NUMB: variants seen among roughly 807,000 people sequenced by gnomAD.
The protein encoded by NUMB is protein numb homolog.
A neutral mutation model predicts 59.7 loss-of-function variants in NUMB; 29 were observed. The observed-to-expected ratio is 0.49, with a 90% CI of 0.36 to 0.66. The LOEUF (loss-of-function observed/expected upper bound fraction) is 0.66, where lower values mean the gene tolerates loss of function less well. Ranked by LOEUF, NUMB falls within the 30% of genes least tolerant of loss-of-function variation. The probability of loss-of-function intolerance (pLI) is 0.00; values close to 1 mark genes in which losing one functional copy is unlikely to be tolerated. For synonymous variants in NUMB, 288 were observed against 288.2 expected (o/e 1.00, Z 0.01); for missense variants, 723 against 822.0 (o/e 0.88, Z 1.47).
At chr14:73,365,181 A>G (rs1166858614) in intron 3 of NUMB, among the ~76,000 whole-genome samples, 1 of 152,140 alleles carries the variant, frequency 6.6e-6, no homozygotes, top group East Asian at 1.9e-4. Flanking sequence ...CTGGGATTAC[A>G]GGCGTGTGCC....
At chr14:73,355,598 A>G (rs1259144287) in intron 4 of NUMB, 28 bp downstream of exon 4, 1 of 1,593,920 alleles carries the variant, frequency 6.3e-7, no homozygotes, top group Non-Finnish European at 8.5e-7. Context: ...TTTTCCACAT[A>G]CAGACTTATA....
intron 1 of NUMB, among the ~76,000 whole-genome samples, chr14:73,427,510 T>C (rs551919391): frequency 6.6e-6 from 1 of 152,094 alleles, no homozygotes; most frequent in African/African-American, 2.4e-5. Flanking sequence ...CACCTGCTAG[T>C]TCTGTGACTG....
chr14:73,420,211 G>C (rs553991773), intron 1 of NUMB, among the ~76,000 whole-genome samples: 2 of 152,346 alleles, frequency 1.3e-5, no homozygotes, highest in African/African-American at 4.8e-5. Context: ...AGGTATGAGA[G>C]CAGTGTTCCT....
chr14:73,422,158 A>G (rs1897378140), intron 1 of NUMB, among the ~76,000 whole-genome samples: 1 of 152,016 alleles, frequency 6.6e-6, no homozygotes, highest in Non-Finnish European at 1.5e-5. Flanking sequence ...AAAAAAAGAT[A>G]AGCATAAACA....
chr14:73,450,443 C>T lies in NUMB; in HGVS notation c.-233+8050G>A, dbSNP rs140982370. ...ATATTTCTGTCATCAGCAGGCTATT[C>T]TATGGTTCTGTGAGATACTAGTTTG... On this transcript the variant is annotated intron_variant, in intron 1 of 12. Transcript: ENST00000555238. Among the ~76,000 whole-genome samples, 256 of 152,236 alleles carry T rather than the reference C, an allele frequency of 1.7e-3. 2 individuals are homozygous for T. Among genetic ancestry groups the T allele is most frequent in the Admixed American group, 3.7e-3 (56 of 15,292 alleles).
intron 1 of NUMB, among the ~76,000 whole-genome samples, chr14:73,439,168 GA>G (rs1882840462): frequency 6.6e-6 from 1 of 152,154 alleles, no homozygotes; most frequent in South Asian, 2.1e-4. Context: ...CAAAAGAAGG[GA>G]AAGAGACTGC....
At position 73,323,668 on chromosome 14, in the gene NUMB, G is replaced by C. The variant is rs74443622; in HGVS notation, c.127-464C>G. Among the ~76,000 whole-genome samples, 695 of 152,222 alleles carry C rather than the reference G, an allele frequency of 4.6e-3. 4 individuals carry two copies. Among genetic ancestry groups the C allele is most frequent in the African/African-American group, 0.016 (673 of 41,550 alleles). ...TTAAAAAGCACAAACAAAAATGACA[G>C]TTTTTCAAAGACTGAAGAAATCACA... On this transcript the variant is annotated intron_variant, in intron 4 of 12. Coordinates refer to ENST00000555238, the MANE Select transcript of NUMB (RefSeq NM_001005743.2).
intron 4 of NUMB, among the ~76,000 whole-genome samples, chr14:73,349,800 A>C (rs1893117929): frequency 1.3e-5 from 2 of 151,770 alleles, no homozygotes; most frequent in Admixed American, 6.6e-5. Context: ...AATCGCGTGA[A>C]CCCGGGAGGC....
intron 6 of NUMB, among the ~76,000 whole-genome samples, chr14:73,307,995 C>T (rs527924481): frequency 4.5e-4 from 69 of 151,784 alleles, no homozygotes; most frequent in Non-Finnish European, 7.4e-4. Flanking sequence ...GTCCTCCCAA[C>T]GTGCTGGGAT....
chr14:73,289,486 A>G (rs995010677), intron 8 of NUMB, among the ~76,000 whole-genome samples: 2 of 152,236 alleles, frequency 1.3e-5, no homozygotes, highest in Non-Finnish European at 2.9e-5. Flanking sequence ...ATTTGGGAAC[A>G]GGAAGTCTTT....
At chr14:73,412,006 T>G (rs1896917078) in intron 1 of NUMB, among the ~76,000 whole-genome samples, 1 of 147,706 alleles carries the variant, frequency 6.8e-6, no homozygotes, top group African/African-American at 2.5e-5. Context: ...CTCACTGCAG[T>G]CTCAAACTCC....
At chr14:73,388,315 TCTAATAG>T (rs1371043323) in intron 2 of NUMB, among the ~76,000 whole-genome samples, 1 of 152,164 alleles carries the variant, frequency 6.6e-6, no homozygotes, top group Non-Finnish European at 1.5e-5. Flanking sequence ...CATTAAGAAT[TCTAATAG>T]AAGAAACCTT....
At chr14:73,363,419 GC>G (rs1481306369) in intron 3 of NUMB, among the ~76,000 whole-genome samples, 1 of 152,046 alleles carries the variant, frequency 6.6e-6, no homozygotes, top group African/African-American at 2.4e-5. Flanking sequence ...CTGCATACCT[GC>G]CCGGCAAAAT....
intron 2 of NUMB, among the ~76,000 whole-genome samples, chr14:73,371,177 T>G (rs1313866992): frequency 6.6e-6 from 1 of 152,200 alleles, no homozygotes; most frequent in African/African-American, 2.4e-5. Context: ...TATGTTCTCC[T>G]AGGAACAAGA....
At chr14:73,302,384 A>G (rs923070146) in intron 6 of NUMB, among the ~76,000 whole-genome samples, 1 of 149,068 alleles carries the variant, frequency 6.7e-6, no homozygotes, top group Admixed American at 6.7e-5. Context: ...CAAATTCTAT[A>G]GTTGCAATAC....
chr14:73,447,851 T>A (rs1321867658), intron 1 of NUMB, among the ~76,000 whole-genome samples: 1 of 151,012 alleles, frequency 6.6e-6, no homozygotes, highest in Non-Finnish European at 1.5e-5. Flanking sequence ...GGCACAATCA[T>A]GGCTCACTAC....
chr14:73,299,184 T>C (rs1175947362), intron 6 of NUMB: 3 of 152,154 alleles, frequency 2.0e-5, no homozygotes, highest in Non-Finnish European at 2.9e-5. Flanking sequence ...TATGGCTTGG[T>C]AAGTAGACTT....
intron 1 of NUMB, among the ~76,000 whole-genome samples, chr14:73,451,172 A>AC (rs1381053024): frequency 4.2e-5 from 5 of 119,168 alleles, no homozygotes; most frequent in African/African-American, 6.6e-5. Context: ...AAAAAAAAAA[A>AC]AACAAAAAAC....
At chr14:73,420,039 T>C (rs1198530874) in intron 1 of NUMB, among the ~76,000 whole-genome samples, 1 of 152,202 alleles carries the variant, frequency 6.6e-6, no homozygotes, top group Non-Finnish European at 1.5e-5. Flanking sequence ...CTAACTTTTG[T>C]ACCTTTAGTA....
Sources: allele counts gnomAD v4.1 joint callset (sites outside exome capture counted in the v4.1 genomes callset), GRCh38; gene constraint gnomAD v4.1.1; transcripts MANE v1.5; gene names NCBI Gene and HGNC (gene_info 2026-07-23, HGNC 2026-07-21).